EXOC6B: variants seen among roughly 807,000 people sequenced by gnomAD.
EXOC6B encodes exocyst complex component 6B, also known as SEC15 homolog B.
A neutral mutation model predicts 113.5 loss-of-function variants in EXOC6B; 54 were observed. That is an observed-to-expected ratio of 0.48 (90% CI 0.38 to 0.60). The LOEUF (loss-of-function observed/expected upper bound fraction) is 0.60. EXOC6B is among the 20% of genes least tolerant of loss of function. The pLI is 0.00. For missense variants in EXOC6B, 797 were observed against 977.5 expected, an observed-to-expected ratio of 0.82 and a Z score of 2.46; for synonymous variants, 357 against 339.0, an observed-to-expected ratio of 1.05 and a Z score of -0.58.
At chr2:72,625,064 T>TGGG (rs1671968302) in intron 6 of EXOC6B, among the ~76,000 whole-genome samples, 2 of 133,840 alleles carry the variant, frequency 1.5e-5, no homozygotes, top group African/African-American at 5.6e-5. Flanking sequence ...AAGTTTTTTT[T>TGGG]TGGGGGGGGG....
At chr2:72,179,569 AT>A in intron 21 of EXOC6B, 108 bp from the exon 22 acceptor site, 1 of 1,281,806 alleles carries the variant, frequency 7.8e-7, no homozygotes, top group South Asian at 1.2e-5. Context: ...ACCCAGAGTA[AT>A]GAGAGAGTCC....
At chr2:72,272,598 T>A (rs147690573) in intron 20 of EXOC6B, among the ~76,000 whole-genome samples, 1 of 152,268 alleles carries the variant, frequency 6.6e-6, no homozygotes, top group Non-Finnish European at 1.5e-5. Context: ...TTCTCACTGT[T>A]TATTCCTAAA....
intron 6 of EXOC6B, among the ~76,000 whole-genome samples, chr2:72,668,622 T>C (rs996424604): frequency 1.8e-4 from 27 of 152,178 alleles, no homozygotes; most frequent in Admixed American, 9.8e-4. Flanking sequence ...TGCAGCATCA[T>C]GGACACAGCT....
chr2:72,745,827 C>CA (rs1271912102), intron 1 of EXOC6B, among the ~76,000 whole-genome samples: 2 of 152,090 alleles, frequency 1.3e-5, no homozygotes, highest in South Asian at 4.1e-4. Flanking sequence ...AGGCTAAAAA[C>CA]AAAAATAAAC....
intron 11 of EXOC6B, among the ~76,000 whole-genome samples, chr2:72,507,384 T>C (rs1040782700): frequency 6.6e-6 from 1 of 152,158 alleles, no homozygotes; most frequent in Non-Finnish European, 1.5e-5. Flanking sequence ...TTAATAACTT[T>C]GTCAAGATAT....
chr2:72,393,185 C>T (rs1692495928), intron 18 of EXOC6B, among the ~76,000 whole-genome samples: 1 of 151,920 alleles, frequency 6.6e-6, no homozygotes, highest in Non-Finnish European at 1.5e-5. Flanking sequence ...GCCTCTACCT[C>T]CCAGTTCAAG....
chr2:72,371,695 G>C (rs1416028206), intron 19 of EXOC6B, among the ~76,000 whole-genome samples: 3 of 152,022 alleles, frequency 2.0e-5, no homozygotes, highest in African/African-American at 7.3e-5. Flanking sequence ...CAAAATAAAA[G>C]GCATGTATGA....
intron 19 of EXOC6B, among the ~76,000 whole-genome samples, chr2:72,360,856 G>A (rs1643455922): frequency 6.6e-6 from 1 of 150,604 alleles, no homozygotes. Context: ...GCGTGAACCC[G>A]GGAGGCAGAG....
At chr2:72,663,141 C>A (rs1043992254) in intron 6 of EXOC6B, among the ~76,000 whole-genome samples, 1 of 152,148 alleles carries the variant, frequency 6.6e-6, no homozygotes, top group Non-Finnish European at 1.5e-5. Context: ...CAATCAACAG[C>A]CAATTCTATA....
intron 20 of EXOC6B, among the ~76,000 whole-genome samples, chr2:72,235,747 T>C (rs1011148942): frequency 2.6e-5 from 4 of 152,032 alleles, no homozygotes; most frequent in Admixed American, 2.0e-4. Context: ...GCCACCCTTG[T>C]CTGCCCCTTT....
intron 6 of EXOC6B, among the ~76,000 whole-genome samples, chr2:72,697,129 T>TAGATATAGATAC (rs1309591782): frequency 1.4e-5 from 2 of 141,588 alleles, no homozygotes; most frequent in African/African-American, 4.9e-5. Context: ...GATATAGATA[T>TAGATATAGATAC]AGATATAGAT....
rs183183464 is a variant in EXOC6B, at chr2:72,224,717, C to A, written c.2197-40530G>T. 1.4e-4 allele frequency among the ~76,000 whole-genome samples: 21 copies of A among 152,122 alleles called. No homozygotes were observed. The East Asian group carries it at 3.9e-3, about 28-fold the overall frequency. On this transcript the variant is annotated intron_variant, in intron 20 of 21. Transcript: ENST00000272427. Reference sequence around the variant, plus strand: ...CAATCTCCACTCACTGCAGCCTCAACCTCCTGTGCTCAAGTGATCCTCCCA... The same window carrying A: ...CAATCTCCACTCACTGCAGCCTCAAACTCCTGTGCTCAAGTGATCCTCCCA...
At chr2:72,462,347 A>G (rs1264359538) in intron 18 of EXOC6B, 2 of 152,144 alleles carry the variant, frequency 1.3e-5, no homozygotes, top group African/African-American at 4.8e-5. Context: ...AATTTTTAGT[A>G]TGTTCTATTT....
At position 72,534,509 on chromosome 2, in the gene EXOC6B, C is replaced by T. The variant is rs369462326; in HGVS notation, c.916-19383G>A. On this transcript the variant is annotated intron_variant, in intron 8 of 21. Coordinates refer to ENST00000272427, the MANE Select transcript of EXOC6B (RefSeq NM_015189.3). ...TTATACTTCATAAAAATAAATTTTA[C>T]CTAAGAGGCTTGATTGAGGTAAGGG... 7.2e-5 allele frequency among the ~76,000 whole-genome samples: 11 copies of T among 152,014 alleles called. No homozygotes were observed. The South Asian group carries it at 2.3e-3, about 32-fold the overall frequency.
At chr2:72,538,163 A>G (rs1702407036) in intron 8 of EXOC6B, among the ~76,000 whole-genome samples, 1 of 151,956 alleles carries the variant, frequency 6.6e-6, no homozygotes, top group Admixed American at 6.6e-5. Flanking sequence ...AGGTGTCGCT[A>G]TGTTGCCCAG....
At chr2:72,374,414 G>A (rs1433840990) in intron 19 of EXOC6B, among the ~76,000 whole-genome samples, 1 of 152,068 alleles carries the variant, frequency 6.6e-6, no homozygotes, top group African/African-American at 2.4e-5. Flanking sequence ...ATGAGCTGGA[G>A]GCAATTATGA....
chr2:72,689,201 T>C (rs994530630), intron 6 of EXOC6B, among the ~76,000 whole-genome samples: 1 of 152,222 alleles, frequency 6.6e-6, no homozygotes, highest in Non-Finnish European at 1.5e-5. Context: ...CTAAAAATCA[T>C]ACCTGGCTGT....
chr2:72,792,696 C>A (rs1187111447), intron 1 of EXOC6B, among the ~76,000 whole-genome samples: 3 of 152,054 alleles, frequency 2.0e-5, no homozygotes, highest in East Asian at 3.9e-4. Context: ...AGTAAAAAAA[C>A]CGAGGCTAAT....
chr2:72,313,976 G>C (rs576964082), intron 20 of EXOC6B, among the ~76,000 whole-genome samples: 1 of 152,116 alleles, frequency 6.6e-6, no homozygotes, highest in Non-Finnish European at 1.5e-5. Flanking sequence ...GACCCTCCAG[G>C]ACACTGAGAA....
Sources: allele counts gnomAD v4.1 joint callset (sites outside exome capture counted in the v4.1 genomes callset), GRCh38; gene constraint gnomAD v4.1.1; transcripts MANE v1.5; gene names NCBI Gene and HGNC (gene_info 2026-07-23, HGNC 2026-07-21).